Variants in PIP5K1B observed in about 807,000 individuals in gnomAD.
PIP5K1B encodes the protein phosphatidylinositol-4-phosphate 5-kinase type 1 beta, also known as phosphatidylinositol 4-phosphate 5-kinase type-1 beta.
PIP5K1B carries 42 observed loss-of-function variants against 67.0 expected under a neutral mutation model. That is an observed-to-expected ratio of 0.63 (90% CI 0.49 to 0.81). The LOEUF is 0.81. PIP5K1B is among the 30% of genes least tolerant of loss of function. The pLI, the probability that PIP5K1B is intolerant of heterozygous loss-of-function variation, is 0.00. For missense variants in PIP5K1B, 459 were observed against 646.3 expected (o/e 0.71, Z 3.14); for synonymous variants, 214 against 231.4 (o/e 0.92, Z 0.68).
At chr9:68,793,971 A>T (rs1832146036) in intron 2 of PIP5K1B, among the ~76,000 whole-genome samples, 1 of 152,234 alleles carries the variant, frequency 6.6e-6, no homozygotes, top group South Asian at 2.1e-4. Flanking sequence ...GAGGTAGGAA[A>T]ACCAAGAGAG....
rs370577106 is a variant in PIP5K1B, at chr9:68,902,399, A to G, written c.771+7761A>G. Among the ~76,000 whole-genome samples the G allele has an allele frequency of 1.1e-4, 17 of 152,304 alleles. No homozygotes were observed. In the South Asian group the frequency reaches 3.5e-3, roughly 32 times the overall value. On this transcript the variant is annotated intron_variant, in intron 8 of 15. Transcript: ENST00000265382. Reference sequence around the variant, plus strand: ...CCCTGAGATTGGCTTTTTTTTACTCAGCATAATGCCATTGATATTCATCCA... The same window carrying G: ...CCCTGAGATTGGCTTTTTTTTACTCGGCATAATGCCATTGATATTCATCCA...
intron 6 of PIP5K1B, among the ~76,000 whole-genome samples, chr9:68,887,108 T>C (rs951479426): frequency 4.6e-5 from 7 of 152,232 alleles, no homozygotes; most frequent in African/African-American, 1.7e-4. Context: ...CCACCCTATT[T>C]AGAATTTACT....
In PIP5K1B at chr9:68,935,079, G is replaced by A. The variant is rs188212589; in HGVS notation, c.1357+34G>A. The A allele has an allele frequency of 3.0e-3, 4,728 of 1,576,014 alleles. 53 individuals are homozygous for A. Among genetic ancestry groups the A allele is most frequent in the South Asian group, 0.027 (2,367 of 88,154 alleles). ...ATGTAACTTTTTTAAAAAGACAAAC[G>A]TTCTTGTGATTTATTTATACAAGTA... On this transcript the variant is annotated intron_variant, in intron 13 of 15. Coordinates refer to ENST00000265382, the MANE Select transcript of PIP5K1B (RefSeq NM_003558.4).
At chr9:68,708,260 TG>T (rs1298489382) in intron 1 of PIP5K1B, 12 of 152,314 alleles carry the variant, frequency 7.9e-5, no homozygotes, top group African/African-American at 2.6e-4. Context: ...TTTAGCTTTA[TG>T]GTTTGCATAA....
At chr9:68,848,595 G>A (rs1458438000) in intron 4 of PIP5K1B, among the ~76,000 whole-genome samples, 1 of 152,138 alleles carries the variant, frequency 6.6e-6, no homozygotes, top group African/African-American at 2.4e-5. Flanking sequence ...AAATGAAAAA[G>A]GCTAGAGAAG....
At chr9:68,737,053 A>G (rs894015525) in intron 1 of PIP5K1B, among the ~76,000 whole-genome samples, 1 of 152,188 alleles carries the variant, frequency 6.6e-6, no homozygotes, top group Non-Finnish European at 1.5e-5. Context: ...TGTGTCTCTT[A>G]AGATAAATAT....
chr9:68,949,097 CA>C (rs201349064), intron 14 of PIP5K1B, among the ~76,000 whole-genome samples: 4,942 of 142,704 alleles, frequency 0.035, 79 homozygotes, highest in Middle Eastern at 0.051. Flanking sequence ...TTTTAACTGA[CA>C]AAAAAAAAAA....
At chr9:68,831,827 C>T (rs1211269225) in intron 4 of PIP5K1B, among the ~76,000 whole-genome samples, 1 of 152,110 alleles carries the variant, frequency 6.6e-6, no homozygotes, top group Non-Finnish European at 1.5e-5. Flanking sequence ...AGGTGCCCAC[C>T]ACCACGCCCA....
intron 12 of PIP5K1B, among the ~76,000 whole-genome samples, chr9:68,930,506 C>T (rs1057300667): frequency 3.9e-5 from 6 of 152,134 alleles, no homozygotes; most frequent in African/African-American, 1.4e-4. Context: ...ACCTATCAGT[C>T]CTCACTCTGC....
At chr9:68,776,215 AT>A (rs1448999735) in intron 2 of PIP5K1B, among the ~76,000 whole-genome samples, 1 of 152,186 alleles carries the variant, frequency 6.6e-6, no homozygotes, top group African/African-American at 2.4e-5. Flanking sequence ...ACATACACAC[AT>A]TTTTGTATTT....
chr9:68,745,445 G>C (rs967782145), intron 2 of PIP5K1B, among the ~76,000 whole-genome samples: 1 of 152,178 alleles, frequency 6.6e-6, no homozygotes, highest in African/African-American at 2.4e-5. Context: ...TTGGAACCTG[G>C]TATCTCATCC....
intron 14 of PIP5K1B, among the ~76,000 whole-genome samples, chr9:68,947,254 C>T (rs1475128631): frequency 1.3e-5 from 2 of 152,220 alleles, no homozygotes; most frequent in South Asian, 2.1e-4. Context: ...CAGCTCCCAC[C>T]ATGAGCTCTG....
At chr9:68,898,363 G>T (rs1825194679) in intron 8 of PIP5K1B, among the ~76,000 whole-genome samples, 1 of 152,068 alleles carries the variant, frequency 6.6e-6, no homozygotes, top group African/African-American at 2.4e-5. Flanking sequence ...CCCCTTTCTT[G>T]AAGGCTTTCC....
At chr9:68,731,580 G>A (rs934272381) in intron 1 of PIP5K1B, among the ~76,000 whole-genome samples, 56 of 152,320 alleles carry the variant, frequency 3.7e-4, no homozygotes, top group African/African-American at 1.3e-3. Flanking sequence ...AAAAACAAAT[G>A]TGTGATCCTT....
intron 15 of PIP5K1B, among the ~76,000 whole-genome samples, chr9:68,993,287 C>T (rs1441091427): frequency 6.6e-6 from 1 of 152,110 alleles, no homozygotes; most frequent in African/African-American, 2.4e-5. Flanking sequence ...CCTTGGTGTT[C>T]CTCTCACAGA....
rs559798712 is a variant in PIP5K1B, at chr9:69,001,352, C to A, written c.1621-7095C>A. 8.0e-4 allele frequency among the ~76,000 whole-genome samples: 122 copies of A among 152,228 alleles called. 1 individual carries two copies. The highest frequency in any genetic ancestry group is 2.6e-3 in the African/African-American group (107 of 41,530). ...GAAACCAGTACCATATTCCTCCCCCCACATTTTTCAAATGTGGCTGAAGCA... is the reference window on the plus strand; with the variant it reads ...GAAACCAGTACCATATTCCTCCCCCAACATTTTTCAAATGTGGCTGAAGCA... On this transcript the variant is annotated intron_variant, in intron 15 of 15. Transcript: ENST00000265382.
At chr9:68,764,774 T>G (rs1397168888) in intron 2 of PIP5K1B, among the ~76,000 whole-genome samples, 3 of 152,124 alleles carry the variant, frequency 2.0e-5, no homozygotes, top group Non-Finnish European at 4.4e-5. Context: ...GTCCTCACCT[T>G]CATTCTGTGG....
At chr9:68,922,470 G>GAAAAAAAAAAAAA (rs748523330) in intron 11 of PIP5K1B, among the ~76,000 whole-genome samples, 1 of 150,392 alleles carries the variant, frequency 6.6e-6, no homozygotes, top group Non-Finnish European at 1.5e-5. Flanking sequence ...CAAAAAAAAA[G>GAAAAAAAAAAAAA]AAATTTCTCT....
chr9:68,791,636 T>C (rs1461683632), intron 2 of PIP5K1B, among the ~76,000 whole-genome samples: 1 of 152,226 alleles, frequency 6.6e-6, no homozygotes, highest in African/African-American at 2.4e-5. Flanking sequence ...GAGTCAAGAA[T>C]TAAAATTCCT....
Sources: gnomAD v4.1 joint callset for allele counts (sites outside exome capture counted in the v4.1 genomes callset) on GRCh38, gnomAD v4.1.1 for gene constraint, MANE v1.5 for transcripts, NCBI Gene and HGNC (gene_info 2026-07-23, HGNC 2026-07-21) for gene names.